Variants in XRCC4 observed in about 807,000 individuals in gnomAD.
XRCC4 encodes the protein DNA repair protein XRCC4.
Under a neutral mutation model 39.1 loss-of-function variants are expected in XRCC4, and 28 were observed. The ratio of observed to expected loss-of-function variants is 0.72; its 90% CI spans 0.53 to 0.98. The LOEUF is 0.98. Ranked by LOEUF, XRCC4 falls within the 50% of genes least tolerant of loss-of-function variation. The pLI is 0.00. For missense variants in XRCC4, 350 were observed against 376.4 expected, an observed-to-expected ratio of 0.93 and a Z score of 0.58; for synonymous variants, 123 against 126.4, an observed-to-expected ratio of 0.97 and a Z score of 0.18.
At chr5:83,137,181 G>A (rs1480571795) in intron 3 of XRCC4, among the ~76,000 whole-genome samples, 3 of 152,196 alleles carry the variant, frequency 2.0e-5, no homozygotes, top group Non-Finnish European at 4.4e-5. Flanking sequence ...AGATGATGAT[G>A]TTGATCATGA....
At chr5:83,303,684 A>G (rs1561464397) in intron 7 of XRCC4, among the ~76,000 whole-genome samples, 1 of 152,188 alleles carries the variant, frequency 6.6e-6, no homozygotes, top group Non-Finnish European at 1.5e-5. Context: ...AGTAAAAAAT[A>G]CAAATAATAC....
intron 6 of XRCC4, among the ~76,000 whole-genome samples, chr5:83,229,002 G>A (rs529491272): frequency 6.6e-6 from 1 of 152,100 alleles, no homozygotes; most frequent in South Asian, 2.1e-4. Flanking sequence ...AGTTCCTGTG[G>A]TGCAGAGAAA....
chr5:83,102,559 T>C (rs2112362323), intron 1 of XRCC4, among the ~76,000 whole-genome samples: 1 of 152,262 alleles, frequency 6.6e-6, no homozygotes, highest in African/African-American at 2.4e-5. Context: ...ACTTTTTTCT[T>C]GTAACTTGTT....
At chr5:83,220,254 C>T (rs537104063) in intron 6 of XRCC4, among the ~76,000 whole-genome samples, 1 of 152,228 alleles carries the variant, frequency 6.6e-6, no homozygotes, top group Non-Finnish European at 1.5e-5. Context: ...CCCTGTTAAA[C>T]AGCAAACCAT....
intron 7 of XRCC4, among the ~76,000 whole-genome samples, chr5:83,285,080 A>G (rs946513824): frequency 3.9e-5 from 6 of 152,120 alleles, no homozygotes; most frequent in Admixed American, 2.0e-4. Context: ...CTTGCCCAGG[A>G]TTATTTCTGC....
chr5:83,209,364 C>T (rs1015714994), intron 6 of XRCC4, among the ~76,000 whole-genome samples: 2 of 151,946 alleles, frequency 1.3e-5, no homozygotes, highest in Non-Finnish European at 2.9e-5. Context: ...TTTATTTGCC[C>T]CAACCATATC....
intron 1 of XRCC4, among the ~76,000 whole-genome samples, chr5:83,090,346 G>GC (rs373782505): frequency 0.048 from 7,354 of 151,764 alleles, 552 homozygotes; most frequent in African/African-American, 0.16. Flanking sequence ...GGTGGGGTTG[G>GC]GGGGGGCTCC....
At chr5:83,370,963 A>T in the XRCC4 span, among the ~76,000 whole-genome samples, 2 of 152,130 alleles carry the variant, frequency 1.3e-5, no homozygotes, top group African/African-American at 2.4e-5. Context: ...GCCTTCAGTA[A>T]AATAAGTCCA....
chr5:83,080,544 T>G (rs1580187975), intron 1 of XRCC4, among the ~76,000 whole-genome samples: 2 of 149,292 alleles, frequency 1.3e-5, no homozygotes, highest in South Asian at 4.3e-4. Context: ...AAAAAAAAAT[T>G]CCAGAAATAA....
chr5:83,081,562 A>G (rs965035595), intron 1 of XRCC4, among the ~76,000 whole-genome samples: 3 of 152,216 alleles, frequency 2.0e-5, no homozygotes, highest in Admixed American at 2.0e-4. Context: ...AAGATAGATG[A>G]TAGGTGTTAA....
At chr5:83,182,655 T>G (rs1471972935) in intron 3 of XRCC4, among the ~76,000 whole-genome samples, 1 of 152,172 alleles carries the variant, frequency 6.6e-6, no homozygotes, top group Non-Finnish European at 1.5e-5. Context: ...GAAGCTTAAG[T>G]CTTCTTATCT....
chr5:83,198,680 T>C (rs1325558493), intron 4 of XRCC4, among the ~76,000 whole-genome samples: 1 of 152,144 alleles, frequency 6.6e-6, no homozygotes. Context: ...TTTGGGATGA[T>C]GGTGGAGAAT....
rs374184675 is a variant in XRCC4 at position 83,089,492 on chromosome 5, G to A, written c.-11+11877G>A. ...AACTCCAATTCTCTAACACCAAGTG[G>A]GTATTCAACAATTCAGTACAATTCA... On this transcript the variant is annotated intron_variant, in intron 1 of 7. Coordinates refer to ENST00000396027, the MANE Select transcript of XRCC4 (RefSeq NM_003401.5). Among the ~76,000 whole-genome samples the A allele has an allele frequency of 6.6e-5, 10 of 152,198 alleles. No homozygotes were observed. In the East Asian group the frequency reaches 9.7e-4, roughly 15 times the overall value.
At chr5:83,350,146 C>CTT (rs945416638) in intron 7 of XRCC4, among the ~76,000 whole-genome samples, 7 of 152,094 alleles carry the variant, frequency 4.6e-5, no homozygotes, top group Non-Finnish European at 7.3e-5. Context: ...AATATATTTT[C>CTT]TTTACCCAGT....
chr5:83,328,170 C>T (rs1313793717), intron 7 of XRCC4, among the ~76,000 whole-genome samples: 1 of 152,024 alleles, frequency 6.6e-6, no homozygotes, highest in African/African-American at 2.4e-5. Flanking sequence ...CTGATAAACC[C>T]ATCAGATCTT....
chr5:83,130,943 A>G (rs1464869721), intron 3 of XRCC4, among the ~76,000 whole-genome samples: 1 of 151,874 alleles, frequency 6.6e-6, no homozygotes, highest in Admixed American at 6.6e-5. Flanking sequence ...TTGATTTTTT[A>G]AGGGTTTTTT....
intron 3 of XRCC4, among the ~76,000 whole-genome samples, chr5:83,151,852 CT>C (rs1475733678): frequency 6.6e-6 from 1 of 152,116 alleles, no homozygotes; most frequent in East Asian, 1.9e-4. Context: ...GAAGGTTTAA[CT>C]TTTATTATAC....
chr5:83,331,864 G>A (rs1756446729), intron 7 of XRCC4, among the ~76,000 whole-genome samples: 1 of 152,130 alleles, frequency 6.6e-6, no homozygotes, highest in East Asian at 1.9e-4. Flanking sequence ...ATAGAGCAAA[G>A]CAGCAGCAGA....
chr5:83,119,328 A>T (rs891799003), intron 3 of XRCC4, among the ~76,000 whole-genome samples: 1 of 152,220 alleles, frequency 6.6e-6, no homozygotes, highest in African/African-American at 2.4e-5. Flanking sequence ...AAAGGAAATC[A>T]TAGTATTCTT....
Sources: allele counts gnomAD v4.1 joint callset (sites outside exome capture counted in the v4.1 genomes callset), GRCh38; gene constraint gnomAD v4.1.1; transcripts MANE v1.5; gene names NCBI Gene and HGNC (gene_info 2026-07-23, HGNC 2026-07-21).